THBS3: variants seen among roughly 807,000 people sequenced by gnomAD.
The protein encoded by THBS3 is thrombospondin-3.
In THBS3, 78 loss-of-function variants were observed where a neutral mutation model predicts 118.3. The ratio of observed to expected loss-of-function variants is 0.66; its 90% CI spans 0.55 to 0.80. The LOEUF (loss-of-function observed/expected upper bound fraction) is 0.80. THBS3 is among the 30% of genes least tolerant of loss of function. THBS3 has a pLI of 0.00. For missense variants in THBS3, 1,057 were observed against 1,247.4 expected, an observed-to-expected ratio of 0.85 and a Z score of 2.30; for synonymous variants, 427 against 475.3, an observed-to-expected ratio of 0.90 and a Z score of 1.32.
chr1:155,197,201 C>T lies in THBS3; in HGVS notation c.2512G>A (p.Val838Met). The stretch of plus-strand genomic sequence containing the variant: ...CGGAGGTGCTCACCTGGGCCAGACA[C>T]TGATGTCACTGCCTAGGAGACATTG... ...PGLQLKAVTS[V>M]SGPGEHLRNA... Residue 838 changes from valine to methionine, a missense_variant, in exon 21 of 23, where the codon GTG becomes ATG. Physicochemically the swap from Val to Met is conservative, Grantham distance 21. Transcript: ENST00000368378. The surrounding 1 kb of genome is among the most constrained non-coding windows in gnomAD (Gnocchi z 5.0). 6.2e-7 allele frequency: 1 copy of T among 1,614,084 alleles called. No individual in the cohort carries two copies. The highest frequency in any genetic ancestry group is 8.5e-7 in the Non-Finnish European group (1 of 1,179,964).
upstream of THBS3, chr1:155,208,569 G>C: frequency 2.1e-6 from 1 of 481,190 alleles, no homozygotes; most frequent in Admixed American, 3.7e-5. Context: ...TACAGGCGAG[G>C]AGCCAAGGAC....
At chr1:155,208,673 C>A (rs1428894588), upstream of THBS3, 5 of 1,004,836 alleles carry the variant, frequency 5.0e-6, no homozygotes, top group Non-Finnish European at 5.6e-6. Context: ...CGACAGCCTG[C>A]GAGCCTCTCT....
intron 21 of THBS3, chr1:155,196,411 T>A (rs962482019): frequency 6.5e-6 from 3 of 463,316 alleles, no homozygotes; most frequent in Admixed American, 3.8e-5. Context: ...GGCTGGGGGG[T>A]GAAGTCACCC....
chr1:155,206,888 C>G lies in THBS3; in HGVS notation c.80-482G>C, dbSNP rs1670629085. ...AAAAAAAACCTCAACCCTTGTTGCT[C>G]TCAGAGGACAGAGGCACTGTGCCTT... On this transcript the variant is annotated intron_variant, in intron 1 of 22. Transcript: ENST00000368378. The surrounding 1 kb of genome is among the most constrained non-coding windows in gnomAD (Gnocchi z 4.2). Among the ~76,000 whole-genome samples the G allele has an allele frequency of 6.6e-6, 1 of 152,088 alleles. No individual in the cohort carries two copies. The highest frequency in any genetic ancestry group is 2.1e-4 in the South Asian group (1 of 4,822).
chr1:155,208,956 G>A (rs774846663), upstream of THBS3: 46 of 1,609,034 alleles, frequency 2.9e-5, no homozygotes, highest in East Asian at 9.6e-4. Flanking sequence ...GCGCCTTCAG[G>A]GGTTCGGGGC....
Position 155,204,959 on chromosome 1 carries a change from T to TG in THBS3, c.544-3dup, listed in dbSNP as rs760059648. 1.9e-6 allele frequency: 3 copies of TG among 1,613,796 alleles called. No individual in the cohort carries two copies. The highest frequency in any genetic ancestry group is 2.5e-6 in the Non-Finnish European group (3 of 1,179,984). On this transcript the variant is annotated splice_region_variant and splice_polypyrimidine_tract_variant and intron_variant, in intron 3 of 22. Transcript: ENST00000368378. ...AATTTTCATAGATTCCACAAAGCCC[T>TG]GGGGGGATAGCAGCAGAGTAAGGTG...
intron 4 of THBS3, among the ~76,000 whole-genome samples, chr1:155,203,937 A>C (rs1670177030): frequency 6.6e-6 from 1 of 151,736 alleles, no homozygotes; most frequent in South Asian, 2.1e-4. Context: ...TCCTGGGTTC[A>C]AGCAACTCTC....
Position 155,197,957 on chromosome 1 carries a change from T to A in THBS3, c.2254-29A>T. The stretch of plus-strand genomic sequence containing the variant: ...GGGTTGTATAGTAAAGAAAAAGCTG[T>A]GATGCAGGTGTGCTATCCCTCCCAG... On this transcript the variant is annotated intron_variant, in intron 18 of 22. Coordinates refer to ENST00000368378, the MANE Select transcript of THBS3 (RefSeq NM_007112.5). This position sits in a 1 kb window ranked among gnomAD's most constrained non-coding sequence, Gnocchi z 5.0. 6.2e-7 allele frequency: 1 copy of A among 1,614,178 alleles called. No homozygotes were observed. The highest frequency in any genetic ancestry group is 1.6e-4 in the Middle Eastern group (1 of 6,062).
intron 4 of THBS3, 96 bp from the exon 5 acceptor site, chr1:155,203,635 G>T: frequency 6.8e-7 from 1 of 1,471,444 alleles, no homozygotes; most frequent in South Asian, 1.2e-5. Flanking sequence ...ACAGGGACAG[G>T]GCTGGAGCCC....
chr1:155,196,427 C>G, intron 21 of THBS3: 1 of 431,530 alleles, frequency 2.3e-6, no homozygotes, highest in Non-Finnish European at 4.2e-6. Flanking sequence ...CACCCGCTTC[C>G]CAGGCTCTAG....
intron 10 of THBS3, 122 bp from the exon 11 acceptor site, chr1:155,201,691 C>T: frequency 8.7e-7 from 1 of 1,155,108 alleles, no homozygotes; most frequent in South Asian, 1.5e-5. Context: ...ATCAGTATCT[C>T]CTTTAGGTTA....
intron 16 of THBS3, among the ~76,000 whole-genome samples, chr1:155,199,599 C>T (rs1183554268): frequency 2.6e-5 from 4 of 151,972 alleles, no homozygotes; most frequent in South Asian, 4.1e-4. Flanking sequence ...ACTGAAAATA[C>T]AAGAATTAGC....
upstream of THBS3, chr1:155,207,942 G>C (rs1670796819): frequency 2.1e-6 from 3 of 1,412,284 alleles, no homozygotes; most frequent in African/African-American, 1.4e-5. Context: ...TAGGCGGAGA[G>C]AGCAGGAGCC....
Position 155,195,733 on chromosome 1 carries a change from G to A in THBS3, c.*108C>T. ...TGAACTCCTTTTGGGAGCCAGAGAA[G>A]GGTCTGTGGTTGGCTGAGGGGCTGT... On this transcript the variant is annotated 3_prime_UTR_variant, in exon 23 of 23. Transcript: ENST00000368378. The A allele has an allele frequency of 1.6e-6, 2 of 1,212,658 alleles. No homozygotes were observed. The highest frequency in any genetic ancestry group is 2.4e-6 in the Non-Finnish European group (2 of 850,754). 75.1% of individuals were successfully genotyped at this position (1,212,658 alleles called of 1,614,324 possible).
At chr1:155,201,684 A>G (rs1164405184) in intron 10 of THBS3, 115 bp from the exon 11 acceptor site, 2 of 1,209,012 alleles carry the variant, frequency 1.7e-6, no homozygotes, top group Non-Finnish European at 2.4e-6. Context: ...CAGGCATATC[A>G]GTATCTCCTT....
At position 155,197,184 on chromosome 1, in the gene THBS3, C is replaced by G; in HGVS notation, c.2529G>C (p.Glu843Asp). The change falls in exon 21 of 23, where the codon GAG becomes GAC. Residue 843 changes from glutamate to aspartate, a missense_variant. Physicochemically the swap from Glu to Asp is conservative, Grantham distance 45 (BLOSUM62 2). This residue lies in a region of THBS3 where 307 missense variants were observed against 326.1 expected (regional missense o/e 0.94). Transcript: ENST00000368378. The surrounding 1 kb of genome is among the most constrained non-coding windows in gnomAD (Gnocchi z 5.0). ...TATGCCACAGGGCATTTCGGAGGTG[C>G]TCACCTGGGCCAGACACTGATGTCA... ...KAVTSVSGPG[E>D]HLRNALWHTG... 1 of 1,614,152 alleles carries G rather than the reference C, an allele frequency of 6.2e-7. No homozygotes were observed. Among genetic ancestry groups the G allele is most frequent in the Non-Finnish European group, 8.5e-7 (1 of 1,179,990 alleles).
At position 155,202,362 on chromosome 1, in the gene THBS3, T is replaced by C. The variant is rs750028328; in HGVS notation, c.997A>G (p.Ile333Val). The C allele has an allele frequency of 1.2e-6, 2 of 1,614,026 alleles. No individual in the cohort carries two copies. Among genetic ancestry groups the C allele is most frequent in the South Asian group, 2.2e-5 (2 of 91,082 alleles). Residue 333 changes from isoleucine (I) to valine (V), a missense_variant, in exon 9 of 23, where the codon ATC (isoleucine) becomes GTC (valine). Ile to Val is a conservative substitution (Grantham distance 29). Around this residue, in one of 3 missense-constraint regions of THBS3, gnomAD observed 544 missense variants for 715.6 expected, o/e 0.76. Coordinates refer to ENST00000368378, the MANE Select transcript of THBS3 (RefSeq NM_007112.5). The surrounding 1 kb of genome is among the most constrained non-coding windows in gnomAD (Gnocchi z 5.5). Reference sequence around the variant, plus strand: ...CAGTGGAAGCCGGGCATGGTGTTGATGCAGCTGGAGCCCGGGAAACAGGGG... The same window carrying C: ...CAGTGGAAGCCGGGCATGGTGTTGACGCAGCTGGAGCCCGGGAAACAGGGG... ...ADPCFPGSSC[I>V]NTMPGFHCEA...
Position 155,197,668 on chromosome 1 carries a change from G to T in THBS3, c.2303-9C>A. On this transcript the variant is annotated splice_polypyrimidine_tract_variant and intron_variant, in intron 19 of 22. Coordinates refer to ENST00000368378, the MANE Select transcript of THBS3 (RefSeq NM_007112.5). This position sits in a 1 kb window ranked among gnomAD's most constrained non-coding sequence, Gnocchi z 5.0. ...ATTGAAGGCCGTGTATCCTGGGGTG[G>T]GGGTGGGATAAAGGTCAGGGGCAGC... 1 of 1,594,878 alleles carries T rather than the reference G, an allele frequency of 6.3e-7. No homozygotes were observed. The highest frequency in any genetic ancestry group is 1.1e-5 in the South Asian group (1 of 90,690).
chr1:155,201,488 T>G lies in THBS3; in HGVS notation c.1258A>C (p.Ser420Arg), dbSNP rs1335659881. 1.2e-5 allele frequency: 20 copies of G among 1,613,436 alleles called. No homozygotes were observed. Among genetic ancestry groups the G allele is most frequent in the Non-Finnish European group, 1.6e-5 (19 of 1,179,704 alleles). Reference sequence around the variant, plus strand: ...ATGTGGCAGGGGCTGTGGGCTGGGCTGTGGCAGGTCCGGGCTGGGAGGCAG... The same window carrying G: ...ATGTGGCAGGGGCTGTGGGCTGGGCGGTGGCAGGTCCGGGCTGGGAGGCAG... The part of the protein sequence containing the change: ...QGCLPARTCH[S>R]PAHSPCHIHA... Residue 420 changes from serine (S) to arginine (R), a missense_variant, in exon 11 of 23, where the codon AGC (serine) becomes CGC (arginine). By Grantham distance (110) the Ser-to-Arg change is moderately radical. Transcript: ENST00000368378.
Sources: gnomAD v4.1 joint callset for allele counts (sites outside exome capture counted in the v4.1 genomes callset) on GRCh38, gnomAD v4.1.1 for gene constraint, gnomAD v4.1.1 regional missense constraint, Gnocchi (gnomAD v3.1) non-coding constraint, MANE v1.5 for transcripts, NCBI Gene and HGNC (gene_info 2026-07-23, HGNC 2026-07-21) for gene names.